PCDHGC3: variants seen among roughly 807,000 people sequenced by gnomAD.
PCDHGC3 encodes protocadherin gamma subfamily C, 3, also known as protocadherin gamma-C3.
A neutral mutation model predicts 59.2 loss-of-function variants in PCDHGC3; 26 were observed. The observed-to-expected ratio is 0.44, with a 90% CI of 0.32 to 0.61. The LOEUF is 0.61. PCDHGC3 is among the 20% of genes least tolerant of loss of function. The pLI, the probability that PCDHGC3 is intolerant of heterozygous loss-of-function variation, is 0.05. For missense variants in PCDHGC3, 1,080 were observed against 1,221.8 expected (o/e 0.88, Z 1.73); for synonymous variants, 487 against 519.7 (o/e 0.94, Z 0.86).
In PCDHGC3 at chr5:141,476,833, C is replaced by T. The variant is rs746365316; in HGVS notation, c.717C>T (p.Asp239=). 1.4e-5 allele frequency: 23 copies of T among 1,613,524 alleles called. No homozygotes were observed. Among genetic ancestry groups the T allele is most frequent in the Non-Finnish European group, 1.9e-5 (23 of 1,180,050 alleles). The change falls in exon 1 of 4, where the codon GAC becomes GAT. Residue 239 remains aspartate (D), a synonymous_variant. Coordinates refer to ENST00000308177, the MANE Select transcript of PCDHGC3 (RefSeq NM_002588.4). The surrounding 1 kb of genome is among the most constrained non-coding windows in gnomAD (Gnocchi z 7.6). The part of the protein sequence containing the change: ...PIHIKVLDAN[D]NAPVFNQSLY... Reference sequence around the variant, plus strand: ...ACATCAAGGTGCTGGACGCGAATGACAATGCGCCTGTCTTCAACCAGTCCT... The same window carrying T: ...ACATCAAGGTGCTGGACGCGAATGATAATGCGCCTGTCTTCAACCAGTCCT...
At chr5:141,484,075 C>G (rs1397285710) in intron 1 of PCDHGC3, among the ~76,000 whole-genome samples, 2 of 152,084 alleles carry the variant, frequency 1.3e-5, no homozygotes, top group African/African-American at 4.8e-5. Context: ...AAAGCTTGCT[C>G]TTTTGAAATG....
chr5:141,485,380 G>A lies in PCDHGC3; in HGVS notation c.2430+6834G>A. The A allele has an allele frequency of 1.9e-6, 3 of 1,614,146 alleles. No individual in the cohort carries two copies. The highest frequency in any genetic ancestry group is 2.5e-6 in the Non-Finnish European group (3 of 1,180,032). On this transcript the variant is annotated intron_variant, in intron 1 of 3. Coordinates refer to ENST00000308177, the MANE Select transcript of PCDHGC3 (RefSeq NM_002588.4). This position sits in a 1 kb window ranked among gnomAD's most constrained non-coding sequence, Gnocchi z 5.7. ...CTCGCAGGCTGCAGGTCGCTGGAGA[G>A]GTGAACCAAAGACACTTCCGTGTGG... is the stretch of plus-strand genomic sequence containing the variant.
intron 2 of PCDHGC3, among the ~76,000 whole-genome samples, chr5:141,499,010 AAGG>A (rs2099788390): frequency 6.6e-6 from 1 of 151,098 alleles, no homozygotes; most frequent in Non-Finnish European, 1.5e-5. Context: ...GGAAGGAAGG[AAGG>A]AAGGAAGGAA....
chr5:141,491,379 A>G lies in PCDHGC3; in HGVS notation c.2431-3428A>G, dbSNP rs140150079. 423 of 1,613,968 alleles carry G rather than the reference A, an allele frequency of 2.6e-4. No homozygotes were observed. Among genetic ancestry groups the G allele is most frequent in the Non-Finnish European group, 3.0e-4 (359 of 1,179,986 alleles). On this transcript the variant is annotated intron_variant, in intron 1 of 3. Transcript: ENST00000308177. The surrounding 1 kb of genome is among the most constrained non-coding windows in gnomAD (Gnocchi z 6.9). ...CCCTAGTCACCTTCACCTTTCTGTC[A>G]GCGAAGTGCCTTCAGGGAAACGCAG...
In PCDHGC3 at chr5:141,491,443, G is replaced by C. The variant is rs955584868; in HGVS notation, c.2431-3364G>C. On this transcript the variant is annotated intron_variant, in intron 1 of 3. Transcript: ENST00000308177. This position sits in a 1 kb window ranked among gnomAD's most constrained non-coding sequence, Gnocchi z 6.9. ...TGGAGGGCAGTGCTGCAGGCGCCAG[G>C]ACTCACCCTCCCCGGACTTCTATAA... 1 of 1,613,998 alleles carries C rather than the reference G, an allele frequency of 6.2e-7. No homozygotes were observed. Among genetic ancestry groups the C allele is most frequent in the Admixed American group, 1.7e-5 (1 of 60,000 alleles).
Position 141,490,778 on chromosome 5 carries a change from A to T in PCDHGC3, c.2431-4029A>T, listed in dbSNP as rs964301520. The T allele has an allele frequency of 5.6e-6, 9 of 1,614,098 alleles. No individual in the cohort carries two copies. The highest frequency in any genetic ancestry group is 7.6e-6 in the Non-Finnish European group (9 of 1,179,962). On this transcript the variant is annotated intron_variant, in intron 1 of 3. Transcript: ENST00000308177. This position sits in a 1 kb window ranked among gnomAD's most constrained non-coding sequence, Gnocchi z 5.4. ...TCCTTTGTGTATGTCAACCCAGAGG[A>T]TGGACGGATCTTTGCCCAGCGTACC... is the stretch of plus-strand genomic sequence containing the variant.
rs2099461821 is a variant in PCDHGC3 at position 141,478,523 on chromosome 5, G to T, written c.2407G>T (p.Ala803Ser). ...DPVFYRQVLG[A>S]ESAPPGQQAP... is the part of the protein sequence containing the mutation. ...GGTGTTCTATAGGCAGGTGTTGGGT[G>T]CAGAGAGCGCCCCTCCCGGACAGGT... Residue 803 changes from alanine (A) to serine (S), a missense_variant, in exon 1 of 4, where the codon GCA becomes TCA. Ala to Ser is a moderately conservative substitution (Grantham distance 99). Transcript: ENST00000308177. The T allele has an allele frequency of 6.2e-7, 1 of 1,609,908 alleles. No individual in the cohort carries two copies. The highest frequency in any genetic ancestry group is 8.5e-7 in the Non-Finnish European group (1 of 1,177,978).
intron 1 of PCDHGC3, chr5:141,479,217 A>G (rs1433108919): frequency 1.3e-5 from 2 of 152,400 alleles, no homozygotes; most frequent in Non-Finnish European, 2.9e-5. Context: ...TTAAAAAATT[A>G]AAACTATAAT....
At chr5:141,501,987 G>A (rs1462571527) in intron 2 of PCDHGC3, among the ~76,000 whole-genome samples, 2 of 152,016 alleles carry the variant, frequency 1.3e-5, no homozygotes, top group Non-Finnish European at 2.9e-5. Flanking sequence ...TGGTCCCGTT[G>A]TCTCCCTGAC....
At chr5:141,498,954 A>G (rs1180380627) in intron 2 of PCDHGC3, among the ~76,000 whole-genome samples, 2 of 134,538 alleles carry the variant, frequency 1.5e-5, no homozygotes, top group Non-Finnish European at 3.2e-5. Context: ...AGAAAAAGAG[A>G]GAGAGGGAGG....
intron 3 of PCDHGC3, among the ~76,000 whole-genome samples, chr5:141,508,533 C>A (rs1396219805): frequency 6.6e-6 from 1 of 152,160 alleles, no homozygotes; most frequent in Non-Finnish European, 1.5e-5. Flanking sequence ...CAGGGCACCC[C>A]CCACGAGGTG....
Position 141,489,263 on chromosome 5 carries a change from A to G in PCDHGC3, c.2431-5544A>G. The G allele has an allele frequency of 6.4e-7, 1 of 1,552,104 alleles. No homozygotes were observed. Among genetic ancestry groups the G allele is most frequent in the South Asian group, 1.3e-5 (1 of 79,626 alleles). On this transcript the variant is annotated intron_variant, in intron 1 of 3. Transcript: ENST00000308177. This position sits in a 1 kb window ranked among gnomAD's most constrained non-coding sequence, Gnocchi z 4.5. ...GTCATGGGGCCCAAGACACTCCCAC[A>G]GCTCGCTGGGAAATGGCAAGTGCTG...
rs771744120 is a variant in PCDHGC3 at position 141,485,876 on chromosome 5, G to A, written c.2430+7330G>A. ...AGAGCTCCGGGTATCCGTGCTGGAC[G>A]TAAACGACAACGCCCCAGCCTTCCA... On this transcript the variant is annotated intron_variant, in intron 1 of 3. Transcript: ENST00000308177. This position sits in a 1 kb window ranked among gnomAD's most constrained non-coding sequence, Gnocchi z 5.7. 1 of 1,614,174 alleles carries A rather than the reference G, an allele frequency of 6.2e-7. No homozygotes were observed. Among genetic ancestry groups the A allele is most frequent in the Non-Finnish European group, 8.5e-7 (1 of 1,180,030 alleles).
At position 141,478,265 on chromosome 5, in the gene PCDHGC3, G is replaced by C; in HGVS notation, c.2149G>C (p.Val717Leu). ...AGTGTTCGGAGTAATCATATTCAAAGTTTACAAGTGGAAGCAGTCTAGAGA... is the reference window on the plus strand; with the variant it reads ...AGTGTTCGGAGTAATCATATTCAAACTTTACAAGTGGAAGCAGTCTAGAGA... Reference protein sequence around the residue: ...VTVFGVIIFKVYKWKQSRDLY... With the variant: ...VTVFGVIIFKLYKWKQSRDLY... The change falls in exon 1 of 4, where the codon GTT (valine) becomes CTT (leucine). Residue 717 changes from valine to leucine, a missense_variant. Physicochemically the swap from Val to Leu is conservative, Grantham distance 32. Coordinates refer to ENST00000308177, the MANE Select transcript of PCDHGC3 (RefSeq NM_002588.4). 1.2e-6 allele frequency: 2 copies of C among 1,614,196 alleles called. No homozygotes were observed. The highest frequency in any genetic ancestry group is 1.7e-6 in the Non-Finnish European group (2 of 1,180,046).
Position 141,487,564 on chromosome 5 carries a change from G to A in PCDHGC3, c.2431-7243G>A, listed in dbSNP as rs1436847912. ...AGTCACCCAGTGCACCTATGGCAGG[G>A]GAGCCTGTTCGCCCAAGCTGCCCAC... On this transcript the variant is annotated intron_variant, in intron 1 of 3. Coordinates refer to ENST00000308177, the MANE Select transcript of PCDHGC3 (RefSeq NM_002588.4). This position sits in a 1 kb window ranked among gnomAD's most constrained non-coding sequence, Gnocchi z 5.0. 3 of 1,614,178 alleles carry A rather than the reference G, an allele frequency of 1.9e-6. No homozygotes were observed. Among genetic ancestry groups the A allele is most frequent in the Non-Finnish European group, 2.5e-6 (3 of 1,180,040 alleles).
At position 141,485,662 on chromosome 5, in the gene PCDHGC3, G is replaced by T. The variant is rs778404230; in HGVS notation, c.2430+7116G>T. ...AAAAGGCTCAGGATGCAGATGTGGG[G>T]AGCAATTCGATTAGCAGCTATAGGC... On this transcript the variant is annotated intron_variant, in intron 1 of 3. Coordinates refer to ENST00000308177, the MANE Select transcript of PCDHGC3 (RefSeq NM_002588.4). This position sits in a 1 kb window ranked among gnomAD's most constrained non-coding sequence, Gnocchi z 5.7. The T allele has an allele frequency of 1.1e-5, 18 of 1,612,748 alleles. No individual in the cohort carries two copies. The South Asian group carries it at 1.9e-4, about 17-fold the overall frequency.
chr5:141,477,854 C>T lies in PCDHGC3; in HGVS notation c.1738C>T (p.Leu580=). ...PRPGGSSVEM[L]PRGTSAGHLV... is the part of the protein sequence containing the mutation. Reference sequence around the variant, plus strand: ...GCCAGGTGGGAGCTCGGTGGAGATGCTGCCTCGAGGTACCTCAGCTGGCCA... The same window carrying T: ...GCCAGGTGGGAGCTCGGTGGAGATGTTGCCTCGAGGTACCTCAGCTGGCCA... The change falls in exon 1 of 4, where the codon CTG becomes TTG. Residue 580 remains leucine, a synonymous_variant. Transcript: ENST00000308177. This position sits in a 1 kb window ranked among gnomAD's most constrained non-coding sequence, Gnocchi z 4.9. 1.9e-6 allele frequency: 3 copies of T among 1,614,098 alleles called. No individual in the cohort carries two copies. The South Asian group carries it at 3.3e-5, about 18-fold the overall frequency.
chr5:141,491,381 C>A lies in PCDHGC3; in HGVS notation c.2431-3426C>A. On this transcript the variant is annotated intron_variant, in intron 1 of 3. Transcript: ENST00000308177. This position sits in a 1 kb window ranked among gnomAD's most constrained non-coding sequence, Gnocchi z 6.9. ...CTAGTCACCTTCACCTTTCTGTCAGCGAAGTGCCTTCAGGGAAACGCAGAC... is the reference window on the plus strand; with the variant it reads ...CTAGTCACCTTCACCTTTCTGTCAGAGAAGTGCCTTCAGGGAAACGCAGAC... 2 of 1,614,068 alleles carry A rather than the reference C, an allele frequency of 1.2e-6. No homozygotes were observed. The highest frequency in any genetic ancestry group is 1.7e-6 in the Non-Finnish European group (2 of 1,179,950).
chr5:141,488,196 TA>T, intron 1 of PCDHGC3, among the ~76,000 whole-genome samples: 1 of 152,186 alleles, frequency 6.6e-6, no homozygotes, highest in Non-Finnish European at 1.5e-5. Context: ...GTCTGGGTCT[TA>T]GGACTCATAT....
Sources: gnomAD v4.1 joint callset for allele counts (sites outside exome capture counted in the v4.1 genomes callset) on GRCh38, gnomAD v4.1.1 for gene constraint, Gnocchi (gnomAD v3.1) non-coding constraint, MANE v1.5 for transcripts, NCBI Gene and HGNC (gene_info 2026-07-23, HGNC 2026-07-21) for gene names.